LPA: variants seen among roughly 807,000 people sequenced by gnomAD.
LPA encodes apolipoprotein(a).
Under a neutral mutation model 197.9 loss-of-function variants are expected in LPA, and 199 were observed. That is an observed-to-expected ratio of 1.01 (90% CI 0.90 to 1.13). LPA has a LOEUF of 1.13. LPA is among the 50% of genes most tolerant of loss of function. The probability of loss-of-function intolerance (pLI) is 0.00; values close to 1 mark genes in which losing one functional copy is unlikely to be tolerated. For missense variants in LPA, 1,853 were observed against 1,785.8 expected (o/e 1.04, Z -0.68); for synonymous variants, 715 against 639.5 (o/e 1.12, Z -1.78).
In LPA at chr6:160,545,502, C is replaced by T. The variant is rs1425739621; in HGVS notation, c.5336G>A (p.Gly1779Asp). The T allele has an allele frequency of 1.2e-6, 2 of 1,612,910 alleles. No homozygotes were observed. Among genetic ancestry groups the T allele is most frequent in the Non-Finnish European group, 1.7e-6 (2 of 1,179,460 alleles). The change falls in exon 33 of 39, where the codon GGT becomes GAT. Residue 1779 changes from glycine (G) to aspartate (D), a missense_variant. Gly to Asp is a moderately conservative substitution (Grantham distance 94). Around this residue, in one of 3 missense-constraint regions of LPA, gnomAD observed 1,737 missense variants for 1,504.4 expected, o/e 1.15. Coordinates refer to ENST00000316300, the MANE Select transcript of LPA (RefSeq NM_005577.4). Reference protein sequence around the residue: ...YCRNPDGDINGPWCYTMNPRK... With the variant: ...YCRNPDGDINDPWCYTMNPRK... ...TGGATTCATTGTGTAGCACCAGGGA[C>T]CATTGATGTCACCATCAGGGTTACG... is the stretch of plus-strand genomic sequence containing the variant.
At chr6:160,554,422 G>A (rs1778221746) in intron 30 of LPA, among the ~76,000 whole-genome samples, 1 of 152,078 alleles carries the variant, frequency 6.6e-6, no homozygotes, top group Admixed American at 6.5e-5. Flanking sequence ...CTTCTGTCAG[G>A]CAGTTAATTT....
intron 1 of LPA, among the ~76,000 whole-genome samples, chr6:160,662,086 A>T (rs950616011): frequency 6.6e-6 from 1 of 151,876 alleles, no homozygotes; most frequent in Non-Finnish European, 1.5e-5. Flanking sequence ...AACAGAATCA[A>T]TTTTTCTTTT....
intron 18 of LPA, among the ~76,000 whole-genome samples, chr6:160,604,594 G>A (rs894380371): frequency 6.6e-6 from 1 of 152,144 alleles, no homozygotes; most frequent in African/African-American, 2.4e-5. Flanking sequence ...TGGAATAGAC[G>A]TAGATATAGA....
At chr6:160,661,762 C>T (rs953939001) in intron 1 of LPA, among the ~76,000 whole-genome samples, 1 of 152,214 alleles carries the variant, frequency 6.6e-6, no homozygotes, top group African/African-American at 2.4e-5. Flanking sequence ...TCCATGTCTT[C>T]ACCCCGCACT....
chr6:160,546,386 AG>A (rs1424966782), intron 32 of LPA, among the ~76,000 whole-genome samples: 2 of 152,128 alleles, frequency 1.3e-5, no homozygotes, highest in Non-Finnish European at 2.9e-5. Flanking sequence ...AGAGGCTCTG[AG>A]CCCCTTCCCA....
chr6:160,609,982 T>G (rs572898249), intron 16 of LPA, among the ~76,000 whole-genome samples: 7 of 152,310 alleles, frequency 4.6e-5, no homozygotes, highest in Admixed American at 1.3e-4. Flanking sequence ...TAATTTGATT[T>G]GGCTATTCTA....
At chr6:160,539,758 C>T (rs1278558419) in intron 36 of LPA, among the ~76,000 whole-genome samples, 3 of 152,152 alleles carry the variant, frequency 2.0e-5, no homozygotes, top group Admixed American at 6.5e-5. Flanking sequence ...ACAACCTTTC[C>T]CTGATCATGA....
intron 22 of LPA, among the ~76,000 whole-genome samples, chr6:160,592,280 TC>T (rs1779045015): frequency 6.6e-6 from 1 of 152,224 alleles, no homozygotes; most frequent in Admixed American, 6.5e-5. Context: ...TTTAATTGAA[TC>T]ATTTTCTCGT....
chr6:160,654,923 T>C (rs561876490), intron 1 of LPA, among the ~76,000 whole-genome samples: 1 of 152,170 alleles, frequency 6.6e-6, no homozygotes, highest in African/African-American at 2.4e-5. Flanking sequence ...TGTCAACTGA[T>C]CATAGGGAAC....
intron 28 of LPA, among the ~76,000 whole-genome samples, chr6:160,569,279 C>G (rs1296499368): frequency 6.6e-6 from 1 of 152,122 alleles, no homozygotes; most frequent in Non-Finnish European, 1.5e-5. Context: ...GGTACCAAAA[C>G]AGAGATATAG....
intron 28 of LPA, among the ~76,000 whole-genome samples, chr6:160,568,410 C>A (rs1778502396): frequency 6.6e-6 from 1 of 152,162 alleles, no homozygotes; most frequent in Admixed American, 6.5e-5. Flanking sequence ...TCAATAGATG[C>A]AGAAAAGGCC....
intron 20 of LPA, among the ~76,000 whole-genome samples, chr6:160,597,252 A>G (rs1287075883): frequency 6.6e-6 from 1 of 152,238 alleles, no homozygotes; most frequent in Non-Finnish European, 1.5e-5. Context: ...GGAAAGATTT[A>G]TAACCATAGT....
intron 27 of LPA, 131 bp downstream of exon 27, chr6:160,578,392 G>A: frequency 1.8e-6 from 2 of 1,122,440 alleles, no homozygotes; most frequent in Non-Finnish European, 1.3e-6. Context: ...CCCAGAGAGG[G>A]CGCTGAGGCT....
chr6:160,553,960 C>CGT lies in LPA; in HGVS notation c.4973+2064_4973+2065insAC, dbSNP rs1362101557. On this transcript the variant is annotated intron_variant, in intron 30 of 38. Transcript: ENST00000316300. ...CTCTGTGTGTGTGTGTGTGTGCGCG[C>CGT]GCGCGCGTGTGCGTGTGTGTGTGTC... Among the ~76,000 whole-genome samples, 156 of 32,418 alleles carry CGT rather than the reference C, an allele frequency of 4.8e-3. 1 individual carries two copies. Among genetic ancestry groups the CGT allele is most frequent in the Admixed American group, 0.025 (112 of 4,456 alleles). The allele number at this position is 32,418 out of a possible 152,430, so 21.3% of individuals were successfully genotyped here. A position where few individuals can be genotyped will look rare whatever the true frequency, so the allele number is the denominator to read the frequency against.
At chr6:160,597,020 T>C (rs555689053) in intron 20 of LPA, among the ~76,000 whole-genome samples, 286 of 152,338 alleles carry the variant, frequency 1.9e-3, no homozygotes, top group Non-Finnish European at 3.0e-3. Flanking sequence ...TCTCACTTTA[T>C]TCTGGGAGAA....
At chr6:160,606,214 C>A (rs41269896) in intron 17 of LPA, among the ~76,000 whole-genome samples, 2,647 of 151,296 alleles carry the variant, frequency 0.017, 66 homozygotes, top group African/African-American at 0.059. Context: ...ACTGAGATAG[C>A]CCATTTTTCA....
chr6:160,605,355 G>A (rs1170940342), intron 17 of LPA, 150 bp from the exon 18 acceptor site: 3 of 997,908 alleles, frequency 3.0e-6, no homozygotes, highest in Non-Finnish European at 4.6e-6. Context: ...TTATTTGTAG[G>A]CAGATGGACT....
chr6:160,593,008 C>T (rs931137653), intron 22 of LPA, among the ~76,000 whole-genome samples: 1 of 152,190 alleles, frequency 6.6e-6, no homozygotes, highest in African/African-American at 2.4e-5. Context: ...TCTCCTTGTG[C>T]ATACGCAGCT....
chr6:160,586,726 G>T, intron 24 of LPA, 96 bp from the exon 25 acceptor site: 1 of 1,556,728 alleles, frequency 6.4e-7, no homozygotes, highest in Non-Finnish European at 8.8e-7. Flanking sequence ...GTGTAAACAA[G>T]CAAATTTGAA....
Sources: allele counts gnomAD v4.1 joint callset (sites outside exome capture counted in the v4.1 genomes callset), GRCh38; gene constraint gnomAD v4.1.1; regional missense constraint gnomAD v4.1.1; transcripts MANE v1.5; gene names NCBI Gene and HGNC (gene_info 2026-07-23, HGNC 2026-07-21).